Variants in SYNE3 observed in about 807,000 individuals in gnomAD.
SYNE3 encodes nesprin-3.
In SYNE3, 100 loss-of-function variants were observed where a neutral mutation model predicts 111.2. The observed-to-expected ratio is 0.90, with a 90% confidence interval of 0.77 to 1.06. SYNE3 has a LOEUF of 1.06. Ranked by LOEUF, SYNE3 falls within the 50% of genes least tolerant of loss-of-function variation. SYNE3 has a pLI of 0.00. For missense variants in SYNE3, 1,160 were observed against 1,240.3 expected, an observed-to-expected ratio of 0.94 and a Z score of 0.97; for synonymous variants, 547 against 533.9, an observed-to-expected ratio of 1.02 and a Z score of -0.34.
chr14:95,418,608 C>CT lies in SYNE3; in HGVS notation c.2728-583dup, dbSNP rs1160680188. On this transcript the variant is annotated intron_variant, in intron 17 of 17. Transcript: ENST00000682763. The stretch of plus-strand genomic sequence containing the variant: ...CTCCCCCTCTTCCTTTTCTTTCTTT[C>CT]TTTTTTTTCCTTTGAGATGGAGTCT... 1.5e-4 allele frequency among the ~76,000 whole-genome samples: 23 copies of CT among 150,286 alleles called. 1 individual carries two copies. The East Asian group carries it at 3.8e-3, about 25-fold the overall frequency.
rs1005586210 is a variant in SYNE3 at position 95,410,009 on chromosome 14, A to G, written c.*7817T>C. 3.2e-5 allele frequency: 5 copies of G among 154,602 alleles called. No individual in the cohort carries two copies. The South Asian group carries it at 1.0e-3, about 31-fold the overall frequency. 9.6% of individuals were successfully genotyped at this position (154,602 alleles called of 1,614,324 possible). ...TATGCATTGCCTGGGCTGAATCCAA[A>G]CACAAAGAAAGTGTTCAAAAGCTTA... On this transcript the variant is annotated 3_prime_UTR_variant, in exon 18 of 18. Coordinates refer to ENST00000682763, the MANE Select transcript of SYNE3 (RefSeq NM_152592.6).
At chr14:95,445,798 C>G in intron 9 of SYNE3, 111 bp downstream of exon 9, 2 of 1,203,056 alleles carry the variant, frequency 1.7e-6, no homozygotes, top group Non-Finnish European at 2.4e-6. Flanking sequence ...CAGGGCCACA[C>G]AGTGGCAAGC....
intron 1 of SYNE3, among the ~76,000 whole-genome samples, chr14:95,496,823 T>G (rs942949311): frequency 1.3e-5 from 2 of 152,222 alleles, no homozygotes; most frequent in African/African-American, 4.8e-5. Context: ...AAAGTTATCA[T>G]TTATGTAGCA....
At chr14:95,458,397 C>T (rs190315658) in intron 4 of SYNE3, among the ~76,000 whole-genome samples, 12 of 152,340 alleles carry the variant, frequency 7.9e-5, no homozygotes, top group African/African-American at 2.9e-4. Context: ...TGGTTAATAA[C>T]ACCTGCCTCA....
chr14:95,450,004 G>C lies in SYNE3; in HGVS notation c.1376C>G (p.Ala459Gly). 2 of 1,555,928 alleles carry C rather than the reference G, an allele frequency of 1.3e-6. No homozygotes were observed. Among genetic ancestry groups the C allele is most frequent in the Non-Finnish European group, 1.7e-6 (2 of 1,149,594 alleles). The change falls in exon 8 of 18, where the codon GCC (alanine) becomes GGC (glycine). Residue 459 changes from alanine to glycine, a missense_variant. By Grantham distance (60) the Ala-to-Gly change is moderately conservative. Coordinates refer to ENST00000682763, the MANE Select transcript of SYNE3 (RefSeq NM_152592.6). Reference protein sequence around the residue: ...LQDLQLWKALAQRLLEVTASL... With the variant: ...LQDLQLWKALGQRLLEVTASL... ...GGCAGTGACCTCCAAGAGCCGCTGG[G>C]CCAGGGCCTTCCACAGCTGCAGATC...
chr14:95,432,752 C>T (rs1313793488), intron 16 of SYNE3, among the ~76,000 whole-genome samples: 1 of 151,878 alleles, frequency 6.6e-6, no homozygotes, highest in Non-Finnish European at 1.5e-5. Flanking sequence ...AAGTTAGAGA[C>T]ATGGGGCTGG....
chr14:95,444,539 C>T lies in SYNE3; in HGVS notation c.1722G>A (p.Glu574=). The part of the protein sequence containing the change: ...LLDLQVRVQA[E]KGLQRDLPGK... ...CAGGAAGGTCCCGCTGAAGCCCCTT[C>T]TCGGCTTGGACCCTGACCTGGAGGT... The change falls in exon 10 of 18, where the codon GAG becomes GAA. Residue 574 remains glutamate, a synonymous_variant. Transcript: ENST00000682763. 3 of 1,613,742 alleles carry T rather than the reference C, an allele frequency of 1.9e-6. No individual in the cohort carries two copies. The highest frequency in any genetic ancestry group is 2.5e-6 in the Non-Finnish European group (3 of 1,179,720).
Position 95,445,913 on chromosome 14 carries a change from A to C in SYNE3, c.1628T>G (p.Leu543Arg). 6.2e-7 allele frequency: 1 copy of C among 1,613,772 alleles called. No homozygotes were observed. Among genetic ancestry groups the C allele is most frequent in the Non-Finnish European group, 8.5e-7 (1 of 1,179,908 alleles). The part of the protein sequence containing the change: ...HNSLLQRKSK[L>R]QSLLAQHKDF... The stretch of plus-strand genomic sequence containing the variant: ...CAGATGCCTGGTGCTGCACACCTGC[A>C]GTTTGCTTTTCCTCTGCAGGAGGCT... The change falls in exon 9 of 18, where the codon CTG (leucine) becomes CGG (arginine). Residue 543 changes from leucine to arginine, a missense_variant. Coordinates refer to ENST00000682763, the MANE Select transcript of SYNE3 (RefSeq NM_152592.6).
chr14:95,457,238 A>G lies in SYNE3; in HGVS notation c.728T>C (p.Val243Ala), dbSNP rs753788900. The G allele has an allele frequency of 6.2e-7, 1 of 1,614,004 alleles. No homozygotes were observed. The highest frequency in any genetic ancestry group is 1.1e-5 in the South Asian group (1 of 91,068). ...GCAGTTCCGCCCCAGGCAGCCATTC[A>G]CCTTCTCCACCACCGCCTTCAGCCA... ...QLWLKAVVEK[V>A]NGCLGRNCKL... Residue 243 changes from valine (V) to alanine (A), a missense_variant, in exon 5 of 18, where the codon GTG becomes GCG. Coordinates refer to ENST00000682763, the MANE Select transcript of SYNE3 (RefSeq NM_152592.6).
intron 6 of SYNE3, among the ~76,000 whole-genome samples, chr14:95,454,607 C>G (rs918172558): frequency 3.9e-5 from 6 of 152,212 alleles, no homozygotes; most frequent in African/African-American, 1.4e-4. Context: ...GCTACAAGAT[C>G]GAATGAGAAG....
chr14:95,441,746 T>C (rs1886427339), intron 11 of SYNE3, among the ~76,000 whole-genome samples: 1 of 152,248 alleles, frequency 6.6e-6, no homozygotes, highest in Non-Finnish European at 1.5e-5. Context: ...TGCTAGTTTA[T>C]TGAATGTAAT....
chr14:95,489,145 A>G (rs926907336), intron 1 of SYNE3, among the ~76,000 whole-genome samples: 1 of 152,158 alleles, frequency 6.6e-6, no homozygotes, highest in South Asian at 2.1e-4. Context: ...CCTGCAGGCA[A>G]CTCTCTGAGG....
intron 6 of SYNE3, 115 bp downstream of exon 6, chr14:95,455,262 C>T: frequency 2.5e-6 from 2 of 795,554 alleles, no homozygotes; most frequent in Non-Finnish European, 1.8e-6. Context: ...CCCGGAGAAA[C>T]AGAGTGAGTG....
In SYNE3 at chr14:95,411,995, T is replaced by TA. The variant is rs1326738885; in HGVS notation, c.*5830dup. ...ACACGACAATCAACATCCACAGCCT[T>TA]AGCCTTAAGCCTCCCCTTGAAGCCT... is the stretch of plus-strand genomic sequence containing the variant. On this transcript the variant is annotated 3_prime_UTR_variant, in exon 18 of 18. Transcript: ENST00000682763. 1.3e-5 allele frequency: 2 copies of TA among 152,360 alleles called. No individual in the cohort carries two copies. The highest frequency in any genetic ancestry group is 4.8e-5 in the African/African-American group (2 of 41,464). 9.4% of individuals were successfully genotyped at this position (152,360 alleles called of 1,614,324 possible). A position where few individuals can be genotyped will look rare whatever the true frequency, so the allele number is the denominator to read the frequency against.
At chr14:95,468,552 G>A (rs1888334641) in intron 2 of SYNE3, among the ~76,000 whole-genome samples, 1 of 152,078 alleles carries the variant, frequency 6.6e-6, no homozygotes, top group Non-Finnish European at 1.5e-5. Context: ...CCTGGGAGAT[G>A]CTGAGTGAGT....
intron 1 of SYNE3, among the ~76,000 whole-genome samples, chr14:95,488,463 A>G (rs1248662952): frequency 6.6e-6 from 1 of 152,152 alleles, no homozygotes. Flanking sequence ...GTGTGTGCAC[A>G]TATGCTTTCA....
At chr14:95,510,983 C>T (rs1163698985) in intron 1 of SYNE3, among the ~76,000 whole-genome samples, 1 of 152,252 alleles carries the variant, frequency 6.6e-6, no homozygotes, top group East Asian at 1.9e-4. Flanking sequence ...GGCATTTCCC[C>T]ATGGCCCGCC....
intron 13 of SYNE3, 57 bp downstream of exon 13, chr14:95,439,555 C>T: frequency 1.3e-6 from 2 of 1,594,730 alleles, no homozygotes; most frequent in Non-Finnish European, 1.7e-6. Context: ...CTGAGTGTCC[C>T]TGAGTGAGAA....
At chr14:95,495,607 T>C (rs1462900820) in intron 1 of SYNE3, among the ~76,000 whole-genome samples, 1 of 152,204 alleles carries the variant, frequency 6.6e-6, no homozygotes. Context: ...ATGGGGAAAC[T>C]GAAGCTGGCT....
Sources: allele counts gnomAD v4.1 joint callset (sites outside exome capture counted in the v4.1 genomes callset), GRCh38; gene constraint gnomAD v4.1.1; transcripts MANE v1.5; gene names NCBI Gene and HGNC (gene_info 2026-07-23, HGNC 2026-07-21).